Variants in RBFOX1 observed in about 807,000 individuals in gnomAD.
The protein encoded by RBFOX1 is RNA binding protein fox-1 homolog 1.
Under a neutral mutation model 57.7 loss-of-function variants are expected in RBFOX1, and 8 were observed. That is an observed-to-expected ratio of 0.14 (90% CI 0.08 to 0.25). The LOEUF is 0.25. Ranked by LOEUF, RBFOX1 falls within the 10% of genes least tolerant of loss-of-function variation. The pLI, the probability that RBFOX1 is intolerant of heterozygous loss-of-function variation, is 1.00. For synonymous variants in RBFOX1, 326 were observed against 222.4 expected (o/e 1.47, Z -4.15); for missense variants, 611 against 548.5 (o/e 1.11, Z -1.14).
chr16:7,036,928 C>G (rs1043713290), intron 3 of RBFOX1, among the ~76,000 whole-genome samples: 1 of 152,070 alleles, frequency 6.6e-6, no homozygotes, highest in Non-Finnish European at 1.5e-5. Flanking sequence ...TGATGACATG[C>G]TAAACAAGGA....
intron 1 of RBFOX1, among the ~76,000 whole-genome samples, chr16:5,333,289 C>T (rs1324311411): frequency 6.6e-6 from 1 of 152,156 alleles, no homozygotes; most frequent in Non-Finnish European, 1.5e-5. Flanking sequence ...GGTTCAAGTC[C>T]TGCTTTTGTA....
intron 2 of RBFOX1, among the ~76,000 whole-genome samples, chr16:6,537,868 G>C (rs1035413173): frequency 6.6e-6 from 1 of 151,636 alleles, no homozygotes. Flanking sequence ...TATTTAAATT[G>C]AGTTAAATCA....
chr16:6,435,959 G>T (rs781746504), intron 2 of RBFOX1, among the ~76,000 whole-genome samples: 1 of 152,014 alleles, frequency 6.6e-6, no homozygotes, highest in Admixed American at 6.5e-5. Context: ...AGCATGTGAT[G>T]GTTTTTCATT....
At chr16:5,262,522 C>G (rs2062760169) in intron 1 of RBFOX1, among the ~76,000 whole-genome samples, 1 of 152,226 alleles carries the variant, frequency 6.6e-6, no homozygotes. Context: ...ATATCATTGG[C>G]TGTCCTGGGT....
chr16:6,582,093 G>T (rs958306126), intron 2 of RBFOX1, among the ~76,000 whole-genome samples: 29 of 152,102 alleles, frequency 1.9e-4, no homozygotes, highest in African/African-American at 7.0e-4. Context: ...GAATTATTGG[G>T]TTCAAAATGG....
intron 4 of RBFOX1, among the ~76,000 whole-genome samples, chr16:7,277,793 A>C (rs1031152789): frequency 1.8e-4 from 27 of 152,210 alleles, no homozygotes; most frequent in Admixed American, 3.9e-4. Context: ...CAGGAATATC[A>C]GTTAAAATGA....
intron 2 of RBFOX1, among the ~76,000 whole-genome samples, chr16:6,533,332 C>A (rs1476971): frequency 6.6e-6 from 1 of 152,084 alleles, no homozygotes. Context: ...ATTTGAGAAC[C>A]TGGCTCAGAA....
rs950822570 is a variant in RBFOX1, at chr16:5,329,437, A to G, written c.219+89332A>G. Among the ~76,000 whole-genome samples, 3 of 152,164 alleles carry G rather than the reference A, an allele frequency of 2.0e-5. No homozygotes were observed. The East Asian group carries it at 5.8e-4, about 29-fold the overall frequency. ...CAATAACTCACTCCGTATGACAAGA[A>G]CAGCACCAAAGGGGAAATCTGCCCC... On this transcript the variant is annotated intron_variant, in intron 1 of 2. Coordinates refer to the RBFOX1 transcript ENST00000585867.
intron 4 of RBFOX1, among the ~76,000 whole-genome samples, chr16:5,870,041 A>G (rs1375720386): frequency 6.6e-6 from 1 of 151,892 alleles, no homozygotes; most frequent in Non-Finnish European, 1.5e-5. Context: ...ACTCTTAGTA[A>G]TATAATATTA....
intron 2 of RBFOX1, among the ~76,000 whole-genome samples, chr16:5,538,148 G>A (rs141957007): frequency 6.6e-6 from 1 of 152,314 alleles, no homozygotes; most frequent in Non-Finnish European, 1.5e-5. Context: ...TAACTAGAAG[G>A]TCTGTAATCT....
chr16:7,398,395 G>A (rs925413500), intron 4 of RBFOX1, among the ~76,000 whole-genome samples: 2 of 152,204 alleles, frequency 1.3e-5, no homozygotes, highest in African/African-American at 4.8e-5. Context: ...GGCTGAAGAT[G>A]TAAGATTTTG....
intron 4 of RBFOX1, chr16:7,422,692 A>G (rs962883187): frequency 1.3e-5 from 2 of 152,090 alleles, no homozygotes; most frequent in Non-Finnish European, 2.9e-5. Context: ...GCTGAGATGT[A>G]TAGGAGTGAG....
chr16:6,793,202 A>C (rs974443234), intron 3 of RBFOX1, among the ~76,000 whole-genome samples: 7 of 152,204 alleles, frequency 4.6e-5, no homozygotes, highest in African/African-American at 1.7e-4. Context: ...AAACAGTATA[A>C]TTTTTAAAAA....
intron 1 of RBFOX1, among the ~76,000 whole-genome samples, chr16:6,218,497 A>T: frequency 6.6e-6 from 1 of 152,088 alleles, no homozygotes; most frequent in East Asian, 1.9e-4. Flanking sequence ...TTTAGTAGAG[A>T]TGGGATTCTA....
intron 11 of RBFOX1, among the ~76,000 whole-genome samples, chr16:7,643,923 G>A (rs1412154567): frequency 6.6e-6 from 1 of 152,090 alleles, no homozygotes; most frequent in East Asian, 1.9e-4. Flanking sequence ...TGAGATCTCT[G>A]GGAGGACTGT....
intron 2 of RBFOX1, among the ~76,000 whole-genome samples, chr16:5,541,696 C>T (rs1342589156): frequency 6.6e-6 from 1 of 152,024 alleles, no homozygotes; most frequent in African/African-American, 2.4e-5. Context: ...ATTTGGGGGC[C>T]CTAAGATTTA....
At chr16:5,540,441 C>G (rs949274455) in intron 2 of RBFOX1, among the ~76,000 whole-genome samples, 2 of 152,148 alleles carry the variant, frequency 1.3e-5, no homozygotes, top group African/African-American at 2.4e-5. Flanking sequence ...ATATATGGCA[C>G]ACCAATTAAC....
chr16:7,509,425 TGTGTG>T (rs1329802802), intron 4 of RBFOX1, among the ~76,000 whole-genome samples: 65 of 150,996 alleles, frequency 4.3e-4, no homozygotes, highest in African/African-American at 1.5e-3. Context: ...TGTGTGTGTG[TGTGTG>T]TCTGTGTCTG....
At chr16:7,659,036 T>C (rs946187184) in intron 12 of RBFOX1, among the ~76,000 whole-genome samples, 14 of 152,170 alleles carry the variant, frequency 9.2e-5, no homozygotes, top group Non-Finnish European at 1.6e-4. Flanking sequence ...ATGTTTTTAT[T>C]ATTATTCTAA....
Sources: gnomAD v4.1 joint callset for allele counts (sites outside exome capture counted in the v4.1 genomes callset) on GRCh38, gnomAD v4.1.1 for gene constraint, MANE v1.5 for transcripts, NCBI Gene and HGNC (gene_info 2026-07-23, HGNC 2026-07-21) for gene names.